SORCS1: variants seen among roughly 807,000 people sequenced by gnomAD.
SORCS1 encodes the protein sortilin related VPS10 domain containing receptor 1.
In SORCS1, 60 loss-of-function variants were observed where a neutral mutation model predicts 146.1. The ratio of observed to expected loss-of-function variants is 0.41; its 90% CI spans 0.33 to 0.51. SORCS1 has a LOEUF of 0.51. Among genes scored for constraint, SORCS1 ranks in the 20% least tolerant of loss-of-function variants. The pLI is 0.21. For synonymous variants in SORCS1, 637 were observed against 584.0 expected (o/e 1.09, Z -1.31); for missense variants, 1,352 against 1,487.6 (o/e 0.91, Z 1.50).
At chr10:106,900,063 TC>T in intron 2 of SORCS1, among the ~76,000 whole-genome samples, 1 of 152,166 alleles carries the variant, frequency 6.6e-6, no homozygotes, top group Non-Finnish European at 1.5e-5. Flanking sequence ...AAGGGACATC[TC>T]CCTTGGGACC....
intron 24 of SORCS1, among the ~76,000 whole-genome samples, chr10:106,580,920 C>A (rs552604951): frequency 3.3e-5 from 5 of 152,248 alleles, no homozygotes; most frequent in South Asian, 2.1e-4. Context: ...GGAACCCCCC[C>A]GCTATTTTCT....
At chr10:106,956,055 G>A (rs190372053) in intron 2 of SORCS1, among the ~76,000 whole-genome samples, 12 of 151,948 alleles carry the variant, frequency 7.9e-5, no homozygotes, top group Admixed American at 1.3e-4. Flanking sequence ...GCTTGAACCC[G>A]GGAGGCAGAG....
In SORCS1 at chr10:106,925,580, C is replaced by G. The variant is rs572878954; in HGVS notation, c.626+30933G>C. ...TCCAATGCCAGCAGCAATCTCTTCC[C>G]TCACTGTTCCCTCCACTTAACAAAG... On this transcript the variant is annotated intron_variant, in intron 2 of 25. Coordinates refer to ENST00000263054, the MANE Select transcript of SORCS1 (RefSeq NM_052918.5). Among the ~76,000 whole-genome samples the G allele has an allele frequency of 4.6e-5, 7 of 152,308 alleles. No individual in the cohort carries two copies. The East Asian group carries it at 1.2e-3, about 25-fold the overall frequency.
At position 106,596,440 on chromosome 10, in the gene SORCS1, T is replaced by C. The variant is rs547806937; in HGVS notation, c.3265+911A>G. Among the ~76,000 whole-genome samples, 4 of 152,358 alleles carry C rather than the reference T, an allele frequency of 2.6e-5. No homozygotes were observed. In the South Asian group the frequency reaches 6.2e-4, roughly 24 times the overall value. On this transcript the variant is annotated intron_variant, in intron 24 of 25. Coordinates refer to ENST00000263054, the MANE Select transcript of SORCS1 (RefSeq NM_052918.5). The stretch of plus-strand genomic sequence containing the variant: ...CTGTTTCTAAGTGCTTGTATTATCA[T>C]TGAAAACTATCCTAAGCTACTTGTG...
At chr10:106,803,162 C>G (rs1414859283) in intron 3 of SORCS1, among the ~76,000 whole-genome samples, 1 of 152,120 alleles carries the variant, frequency 6.6e-6, no homozygotes, top group African/African-American at 2.4e-5. Flanking sequence ...GCTCACCAAA[C>G]CAAAATCAGC....
chr10:106,814,641 G>A (rs1054936909), intron 3 of SORCS1, among the ~76,000 whole-genome samples: 3 of 152,070 alleles, frequency 2.0e-5, no homozygotes, highest in Non-Finnish European at 4.4e-5. Context: ...TTGGCCGGGC[G>A]CAGTCGCTCA....
At position 106,707,178 on chromosome 10, in the gene SORCS1, T is replaced by C. The variant is rs76640067; in HGVS notation, c.1144-544A>G. ...GTCCAAATTCAATCTAGGTCTCTTC[T>C]ATTTAATTTAATTTTTTTTTTTTTT... is the stretch of plus-strand genomic sequence containing the variant. On this transcript the variant is annotated intron_variant, in intron 7 of 25. Transcript: ENST00000263054. Among the ~76,000 whole-genome samples the C allele has an allele frequency of 9.9e-3, 1,254 of 126,744 alleles. 20 individuals carry two copies. Among genetic ancestry groups the C allele is most frequent in the African/African-American group, 0.033 (1,192 of 36,182 alleles). 83.1% of individuals were successfully genotyped at this position (126,744 alleles called of 152,430 possible).
chr10:107,025,627 T>C (rs1156864667), intron 1 of SORCS1, among the ~76,000 whole-genome samples: 2 of 152,078 alleles, frequency 1.3e-5, no homozygotes, highest in East Asian at 3.9e-4. Flanking sequence ...AACAAAATGG[T>C]CAATTTCTGT....
chr10:107,159,113 T>A (rs1969519048), intron 1 of SORCS1, among the ~76,000 whole-genome samples: 1 of 152,150 alleles, frequency 6.6e-6, no homozygotes, highest in Non-Finnish European at 1.5e-5. Flanking sequence ...GTGCACAGAT[T>A]GAAATGAAGG....
chr10:106,650,152 T>C (rs1849751657), intron 18 of SORCS1, among the ~76,000 whole-genome samples: 1 of 152,230 alleles, frequency 6.6e-6, no homozygotes, highest in Admixed American at 6.5e-5. Flanking sequence ...TGAAAAATAT[T>C]AGGTAAAGCT....
rs1270793529 is a variant in SORCS1, at chr10:106,859,515, TC to T, written c.627-29843del. 5.3e-5 allele frequency among the ~76,000 whole-genome samples: 8 copies of T among 152,244 alleles called. No individual in the cohort carries two copies. The East Asian group carries it at 1.5e-3, about 29-fold the overall frequency. On this transcript the variant is annotated intron_variant, in intron 2 of 25. Coordinates refer to ENST00000263054, the MANE Select transcript of SORCS1 (RefSeq NM_052918.5). The stretch of plus-strand genomic sequence containing the variant: ...CTCAAGCGATTCTCCTGCCTCAGCC[TC>T]CCCAGTGGCTGGGACTACAGGTGCG...
At chr10:106,985,492 T>A (rs1235161776) in intron 1 of SORCS1, among the ~76,000 whole-genome samples, 1 of 151,494 alleles carries the variant, frequency 6.6e-6, no homozygotes, top group Non-Finnish European at 1.5e-5. Context: ...TCAGCTATGT[T>A]CAAGACAACA....
intron 2 of SORCS1, among the ~76,000 whole-genome samples, chr10:106,923,748 A>G (rs563685404): frequency 2.4e-4 from 37 of 152,210 alleles, no homozygotes; most frequent in Admixed American, 1.1e-3. Flanking sequence ...TGTCATCTGC[A>G]TATCTTCTTC....
rs1224126426 is a variant in SORCS1 at position 106,976,327 on chromosome 10, T to TTTTTTG, written c.559-19753_559-19748dup. 1.9e-4 allele frequency among the ~76,000 whole-genome samples: 20 copies of TTTTTTG among 105,008 alleles called. No homozygotes were observed. The South Asian group carries it at 2.5e-3, about 13-fold the overall frequency. 68.9% of individuals were successfully genotyped at this position (105,008 alleles called of 152,430 possible). A position where few individuals can be genotyped will look rare whatever the true frequency, so the allele number is the denominator to read the frequency against. ...GCACCTATCAACTCATCATCTAGGT[T>TTTTTTG]TTTTTGTTTTTTTTTTTTTTTTGAG... On this transcript the variant is annotated intron_variant, in intron 1 of 25. Transcript: ENST00000263054.
intron 21 of SORCS1, among the ~76,000 whole-genome samples, 187 bp downstream of exon 21, chr10:106,617,962 C>T (rs976654360): frequency 2.0e-5 from 3 of 152,102 alleles, no homozygotes; most frequent in African/African-American, 7.2e-5. Context: ...GATCCCGTGA[C>T]GCTGTTTTAC....
At chr10:106,954,060 A>G (rs1458587170) in intron 2 of SORCS1, among the ~76,000 whole-genome samples, 5 of 152,194 alleles carry the variant, frequency 3.3e-5, no homozygotes, top group Non-Finnish European at 7.3e-5. Flanking sequence ...AGACTGGGCC[A>G]TCAGTAACAA....
intron 2 of SORCS1, among the ~76,000 whole-genome samples, chr10:106,897,307 G>C (rs1254911177): frequency 6.6e-6 from 1 of 152,070 alleles, no homozygotes; most frequent in Non-Finnish European, 1.5e-5. Context: ...TGTGATTACA[G>C]GCATAAGCCA....
intron 22 of SORCS1, among the ~76,000 whole-genome samples, chr10:106,611,520 G>A (rs940782685): frequency 2.0e-5 from 3 of 152,196 alleles, no homozygotes; most frequent in Admixed American, 2.0e-4. Context: ...GTAGTCAGCC[G>A]AGGACACTTA....
chr10:106,802,511 T>C (rs181215021), intron 3 of SORCS1, among the ~76,000 whole-genome samples: 2 of 152,052 alleles, frequency 1.3e-5, no homozygotes, highest in African/African-American at 4.8e-5. Flanking sequence ...TTTTTTTTTT[T>C]TTTCGAGATG....
Sources: gnomAD v4.1 joint callset for allele counts (sites outside exome capture counted in the v4.1 genomes callset) on GRCh38, gnomAD v4.1.1 for gene constraint, MANE v1.5 for transcripts, NCBI Gene and HGNC (gene_info 2026-07-23, HGNC 2026-07-21) for gene names.